Variants in RNASEL observed in about 807,000 individuals in gnomAD.
The protein encoded by RNASEL is 2-5A-dependent ribonuclease.
RNASEL carries 36 observed loss-of-function variants against 50.9 expected under a neutral mutation model. That is an observed-to-expected ratio of 0.71 (90% CI 0.54 to 0.93). The LOEUF is 0.93. RNASEL is among the 40% of genes least tolerant of loss of function. The pLI is 0.00. For missense variants in RNASEL, 860 were observed against 894.5 expected (o/e 0.96, Z 0.49); for synonymous variants, 335 against 335.6 (o/e 1.00, Z 0.02).
chr1:182,579,806 G>A (rs886245196), intron 5 of RNASEL: 2 of 987,232 alleles, frequency 2.0e-6, no homozygotes, highest in Non-Finnish European at 1.4e-6. Context: ...TCCAGCATGA[G>A]TAATTTGAGT....
In RNASEL at chr1:182,577,035, C is replaced by CA. The variant is rs1156375069; in HGVS notation, c.1906-647_1906-646insT. 6 of 149,900 alleles carry CA rather than the reference C, an allele frequency of 4.0e-5. No individual in the cohort carries two copies. In the East Asian group the frequency reaches 1.2e-3, roughly 30 times the overall value. 9.3% of individuals were successfully genotyped at this position (149,900 alleles called of 1,614,324 possible). On this transcript the variant is annotated intron_variant, in intron 5 of 6. Coordinates refer to ENST00000367559, the MANE Select transcript of RNASEL (RefSeq NM_021133.4). ...GGGATTACAGGCACCCGCCACTATG[C>CA]CCAGCTAATTTTTTTTTTTTTGTAT...
At chr1:182,579,585 C>G (rs974033752) in intron 5 of RNASEL, 1 of 1,156,002 alleles carries the variant, frequency 8.7e-7, no homozygotes, top group African/African-American at 1.6e-5. Flanking sequence ...GGGCTCCAGA[C>G]CTATGCTGAC....
intron 6 of RNASEL, 106 bp downstream of exon 6, chr1:182,576,150 A>T: frequency 8.3e-7 from 1 of 1,199,568 alleles, no homozygotes; most frequent in South Asian, 1.4e-5. Context: ...CTTTTCTTTC[A>T]TCAAAATAAA....
rs1021986342 is a variant in RNASEL at position 182,581,280 on chromosome 1, A to T, written c.1850T>A (p.Leu617Gln). Residue 617 changes from leucine to glutamine, a missense_variant, in exon 5 of 7, where the codon CTA (leucine) becomes CAA (glutamine). Coordinates refer to ENST00000367559, the MANE Select transcript of RNASEL (RefSeq NM_021133.4). ...TRKSESEILR[L>Q]LQPGPSEHSK... ...ATGTTCAGAAGGCCCAGGTTGCAGT[A>T]GTCTGAGGATCTCACTTTCAGATTT... 14 of 1,614,176 alleles carry T rather than the reference A, an allele frequency of 8.7e-6. No individual in the cohort carries two copies. The highest frequency in any genetic ancestry group is 1.2e-5 in the Non-Finnish European group (14 of 1,180,040).
chr1:182,581,406 C>T (rs1346523224), intron 4 of RNASEL, 49 bp from the exon 5 acceptor site: 1 of 1,611,074 alleles, frequency 6.2e-7, no homozygotes. Flanking sequence ...CCATCCCTCC[C>T]TTTCCTTTTC....
At position 182,574,261 on chromosome 1, in the gene RNASEL, T is replaced by A. The variant is rs1661341655; in HGVS notation, c.*1131A>T. The A allele has an allele frequency of 4.4e-6, 1 of 225,256 alleles. No homozygotes were observed. Among genetic ancestry groups the A allele is most frequent in the Non-Finnish European group, 8.8e-6 (1 of 113,240 alleles). 14.0% of individuals were successfully genotyped at this position (225,256 alleles called of 1,614,324 possible). On this transcript the variant is annotated 3_prime_UTR_variant, in exon 7 of 7. Coordinates refer to ENST00000367559, the MANE Select transcript of RNASEL (RefSeq NM_021133.4). ...ATACAAAGTCAAGAAAAGACAGCCATCGCCCGTGAGGAGCCTACATTCCAG... is the reference window on the plus strand; with the variant it reads ...ATACAAAGTCAAGAAAAGACAGCCAACGCCCGTGAGGAGCCTACATTCCAG...
At chr1:182,581,962 G>C in intron 4 of RNASEL, 91 bp downstream of exon 4, 3 of 1,112,256 alleles carry the variant, frequency 2.7e-6, no homozygotes, top group South Asian at 2.5e-5. Context: ...AAAAAGCCTG[G>C]GTCTCCTGAT....
intron 5 of RNASEL, 75 bp from the exon 6 acceptor site, chr1:182,576,464 G>A (rs1424217650): frequency 6.2e-6 from 7 of 1,131,708 alleles, no homozygotes; most frequent in Admixed American, 2.3e-5. Context: ...CATACCAAAA[G>A]GCAAAATATA....
Position 182,586,931 on chromosome 1 carries a change from A to T in RNASEL, c.-125T>A. 1 of 1,252,644 alleles carries T rather than the reference A, an allele frequency of 8.0e-7. No homozygotes were observed. The highest frequency in any genetic ancestry group is 1.2e-6 in the Non-Finnish European group (1 of 866,696). The allele number at this position is 1,252,644 out of a possible 1,614,324, so 77.6% of individuals were successfully genotyped here. Reference sequence around the variant, plus strand: ...GATTCTCTGGCAACAGAGCAGCAGTATGAAGAAGGAACAATGTTCTCAGTC... The same window carrying T: ...GATTCTCTGGCAACAGAGCAGCAGTTTGAAGAAGGAACAATGTTCTCAGTC... On this transcript the variant is annotated 5_prime_UTR_variant, in exon 2 of 7. Coordinates refer to ENST00000367559, the MANE Select transcript of RNASEL (RefSeq NM_021133.4).
At chr1:182,583,552 C>T (rs941049184) in intron 3 of RNASEL, among the ~76,000 whole-genome samples, 2 of 151,014 alleles carry the variant, frequency 1.3e-5, no homozygotes, top group African/African-American at 4.9e-5. Flanking sequence ...AGGGTGTTGC[C>T]GAAGGAGAGC....
intron 5 of RNASEL, among the ~76,000 whole-genome samples, chr1:182,580,695 C>G (rs1258299238): frequency 6.6e-6 from 1 of 152,210 alleles, no homozygotes; most frequent in Non-Finnish European, 1.5e-5. Flanking sequence ...ATAATTAATG[C>G]AAGTTAGGTG....
intron 5 of RNASEL, among the ~76,000 whole-genome samples, chr1:182,580,275 C>T (rs1314450710): frequency 6.6e-6 from 1 of 152,188 alleles, no homozygotes; most frequent in Non-Finnish European, 1.5e-5. Context: ...GTAGTCTCTG[C>T]CTTCATGGAA....
In RNASEL at chr1:182,586,293, G is replaced by A. The variant is rs1455905636; in HGVS notation, c.514C>T (p.Leu172Phe). Reference protein sequence around the residue: ...ERLRKGGATALMDAAEKGHVE... With the variant: ...ERLRKGGATAFMDAAEKGHVE... ...TGTCCTTTTTCAGCAGCGTCCATGA[G>A]AGCTGTGGCCCCTCCTTTCCTCAGC... is the stretch of plus-strand genomic sequence containing the variant. The change falls in exon 2 of 7, where the codon CTC becomes TTC. Residue 172 changes from leucine to phenylalanine, a missense_variant. Physicochemically the swap from Leu to Phe is conservative, Grantham distance 22. Coordinates refer to ENST00000367559, the MANE Select transcript of RNASEL (RefSeq NM_021133.4). The A allele has an allele frequency of 1.9e-6, 3 of 1,614,166 alleles. No individual in the cohort carries two copies. Among genetic ancestry groups the A allele is most frequent in the Admixed American group, 1.7e-5 (1 of 60,014 alleles).
rs779649346 is a variant in RNASEL at position 182,585,830 on chromosome 1, T to C, written c.977A>G (p.Lys326Arg). ...TTCAGCAGGAGGGTGAAAATCTTCT[T>C]TGGCTCCATGAGAGAGAAGAACCTT... Reference protein sequence around the residue: ...LVKVLLSHGAKEDFHPPAEDW... With the variant: ...LVKVLLSHGAREDFHPPAEDW... Residue 326 changes from lysine to arginine, a missense_variant, in exon 2 of 7, where the codon AAA (lysine) becomes AGA (arginine). Lys to Arg is a conservative substitution (Grantham distance 26). Coordinates refer to ENST00000367559, the MANE Select transcript of RNASEL (RefSeq NM_021133.4). 5.6e-5 allele frequency: 90 copies of C among 1,613,760 alleles called. No individual in the cohort carries two copies. The East Asian group carries it at 1.9e-3, about 35-fold the overall frequency.
chr1:182,576,349 T>C lies in RNASEL; in HGVS notation c.1946A>G (p.Glu649Gly), dbSNP rs764964046. ...GTTCTGGTAGAAATTGCCTCTTTTT[T>C]CATAAAACTTATTCATTTTTTTCAT... ...CVMKKMNKFY[E>G]KRGNFYQNTV... The change falls in exon 6 of 7, where the codon GAA becomes GGA. Residue 649 changes from glutamate to glycine, a missense_variant. Physicochemically the swap from Glu to Gly is moderately conservative, Grantham distance 98 (BLOSUM62 -2). Coordinates refer to ENST00000367559, the MANE Select transcript of RNASEL (RefSeq NM_021133.4). 6.2e-7 allele frequency: 1 copy of C among 1,601,022 alleles called. No individual in the cohort carries two copies. The highest frequency in any genetic ancestry group is 1.1e-5 in the South Asian group (1 of 90,046).
Position 182,575,214 on chromosome 1 carries a change from T to C in RNASEL, c.*178A>G, listed in dbSNP as rs188496502. 1.5e-3 allele frequency: 964 copies of C among 645,126 alleles called. 13 individuals carry two copies. Among genetic ancestry groups the C allele is most frequent in the East Asian group, 1.1e-3 (43 of 37,438 alleles). The allele number at this position is 645,126 out of a possible 1,614,324, so 40.0% of individuals were successfully genotyped here. The stretch of plus-strand genomic sequence containing the variant: ...GTAAAGCTTATGGACTAGTGTAGTC[T>C]GGGTATATATTGCTTTTGTTATAGA... On this transcript the variant is annotated 3_prime_UTR_variant, in exon 7 of 7. Coordinates refer to ENST00000367559, the MANE Select transcript of RNASEL (RefSeq NM_021133.4).
intron 3 of RNASEL, among the ~76,000 whole-genome samples, chr1:182,582,705 C>T (rs748372155): frequency 2.0e-4 from 30 of 152,114 alleles, no homozygotes; most frequent in Non-Finnish European, 3.2e-4. Context: ...GGGATTAGGC[C>T]GTGGCCAGGA....
At position 182,576,385 on chromosome 1, in the gene RNASEL, T is replaced by C. The variant is rs1217477307; in HGVS notation, c.1910A>G (p.Asn637Ser). ...ATTCATTTTTTTCATAACACATTCA[T>C]TAATCTAAAAAAACAAAAAATAACA... ...KSFDKWTTKI[N>S]ECVMKKMNKF... is the part of the protein sequence containing the mutation. Residue 637 changes from asparagine to serine, a missense_variant, in exon 6 of 7, where the codon AAT becomes AGT. Transcript: ENST00000367559. 6.4e-7 allele frequency: 1 copy of C among 1,571,104 alleles called. No homozygotes were observed. Among genetic ancestry groups the C allele is most frequent in the Non-Finnish European group, 8.7e-7 (1 of 1,144,656 alleles).
intron 5 of RNASEL, chr1:182,579,802 A>T: frequency 9.6e-7 from 1 of 1,042,344 alleles, no homozygotes; most frequent in South Asian, 1.3e-5. Context: ...ACTGTCCAGC[A>T]TGAGTAATTT....
Sources: allele counts gnomAD v4.1 joint callset (sites outside exome capture counted in the v4.1 genomes callset), GRCh38; gene constraint gnomAD v4.1.1; transcripts MANE v1.5; gene names NCBI Gene and HGNC (gene_info 2026-07-23, HGNC 2026-07-21).